Variants in UTS2B observed in about 807,000 individuals in gnomAD.
UTS2B encodes urotensin-2B.
UTS2B carries 21 observed loss-of-function variants against 19.2 expected under a neutral mutation model. The ratio of observed to expected loss-of-function variants is 1.09; its 90% CI spans 0.78 to 1.58. The LOEUF (loss-of-function observed/expected upper bound fraction) is 1.58, where lower values mean the gene tolerates loss of function less well. Ranked by LOEUF, UTS2B falls within the 40% of genes most tolerant of loss-of-function variation. UTS2B has a pLI of 0.00. For synonymous variants in UTS2B, 57 were observed against 50.2 expected (o/e 1.14, Z -0.58); for missense variants, 138 against 130.3 (o/e 1.06, Z -0.29).
At chr3:191,293,870 G>C (rs570352856) in intron 4 of UTS2B, among the ~76,000 whole-genome samples, 1 of 151,972 alleles carries the variant, frequency 6.6e-6, no homozygotes, top group African/African-American at 2.4e-5. Flanking sequence ...AGCCGGGGGT[G>C]GGGGAGTCGG....
intron 3 of UTS2B, among the ~76,000 whole-genome samples, chr3:191,305,519 T>A (rs1425193730): frequency 1.3e-5 from 2 of 152,136 alleles, no homozygotes; most frequent in Non-Finnish European, 2.9e-5. Flanking sequence ...GGGGTTGTTT[T>A]CTTGTAAATT....
At chr3:191,269,284 T>C (rs758497282) in intron 8 of UTS2B, among the ~76,000 whole-genome samples, 32 of 152,336 alleles carry the variant, frequency 2.1e-4, no homozygotes, top group Non-Finnish European at 4.0e-4. Flanking sequence ...TCTATGTGCT[T>C]GCCCAGGTTT....
At chr3:191,291,094 A>G (rs974748286) in intron 4 of UTS2B, among the ~76,000 whole-genome samples, 12 of 152,200 alleles carry the variant, frequency 7.9e-5, no homozygotes, top group Admixed American at 7.2e-4. Context: ...AGAGTTAACA[A>G]TGGCCTGAAT....
intron 4 of UTS2B, among the ~76,000 whole-genome samples, chr3:191,299,354 G>A (rs980004344): frequency 2.0e-4 from 31 of 152,198 alleles, no homozygotes; most frequent in African/African-American, 6.0e-4. Context: ...GGTTTTGTGG[G>A]CCAGGGCAAG....
chr3:191,303,530 TAA>T lies in UTS2B; in HGVS notation c.-125+960_-125+961del, dbSNP rs56081437. Among the ~76,000 whole-genome samples, 459 of 148,324 alleles carry T rather than the reference TAA, an allele frequency of 3.1e-3. 3 individuals are homozygous for T. Among genetic ancestry groups the T allele is most frequent in the African/African-American group, 8.8e-3 (357 of 40,618 alleles). ...AGTAGTGTCTGGAAACACATTTCCTTAAAAAAAAAAAAAAAACTCACTGTTAA... is the reference window on the plus strand; with the variant it reads ...AGTAGTGTCTGGAAACACATTTCCTTAAAAAAAAAAAAAACTCACTGTTAA... On this transcript the variant is annotated intron_variant, in intron 4 of 8. Transcript: ENST00000340524.
At chr3:191,313,725 C>CTTT (rs57398216) in intron 3 of UTS2B, among the ~76,000 whole-genome samples, 46 of 109,128 alleles carry the variant, frequency 4.2e-4, no homozygotes, top group East Asian at 1.5e-3. Context: ...CTCCACTTTC[C>CTTT]TTTTTTTTTT....
chr3:191,316,944 GC>G (rs1717472190), intron 2 of UTS2B, among the ~76,000 whole-genome samples: 1 of 152,252 alleles, frequency 6.6e-6, no homozygotes, highest in Non-Finnish European at 1.5e-5. Context: ...AGCCCAGCTG[GC>G]TTAGCCTAGC....
At chr3:191,288,274 C>T (rs1716611272) in intron 4 of UTS2B, among the ~76,000 whole-genome samples, 1 of 152,104 alleles carries the variant, frequency 6.6e-6, no homozygotes, top group Admixed American at 6.5e-5. Flanking sequence ...GAAATAAAAG[C>T]AATCCTAAAA....
At chr3:191,309,969 T>C (rs537825159) in intron 3 of UTS2B, among the ~76,000 whole-genome samples, 2 of 152,144 alleles carry the variant, frequency 1.3e-5, no homozygotes, top group South Asian at 4.2e-4. Context: ...TCTTTCTTTT[T>C]TTTCTTTCTT....
At chr3:191,285,385 A>G (rs1252616309) in intron 4 of UTS2B, among the ~76,000 whole-genome samples, 1 of 152,218 alleles carries the variant, frequency 6.6e-6, no homozygotes, top group Non-Finnish European at 1.5e-5. Flanking sequence ...CACTAGAGAT[A>G]AATTTTAATC....
Position 191,275,288 on chromosome 3 carries a change from CAGCATA to C in UTS2B, c.292_297del (p.Tyr98_Ala99del). 1 of 1,613,626 alleles carries C rather than the reference CAGCATA, an allele frequency of 6.2e-7. No homozygotes were observed. The highest frequency in any genetic ancestry group is 8.5e-7 in the Non-Finnish European group (1 of 1,179,696). ...GGATGAGAAGAGAATAGACCATCTA[CAGCATA>C]GGACGTCTCAGAATCCTTCTCCTCC... On this transcript the variant is annotated inframe_deletion, in exon 8 of 9. Coordinates refer to ENST00000340524, the MANE Select transcript of UTS2B (RefSeq NM_198152.5).
intron 4 of UTS2B, among the ~76,000 whole-genome samples, chr3:191,290,015 T>C (rs1716669453): frequency 6.6e-6 from 1 of 152,216 alleles, no homozygotes; most frequent in Admixed American, 6.5e-5. Flanking sequence ...CATAACATAA[T>C]GTATACATAT....
At chr3:191,282,057 C>T in intron 5 of UTS2B, 30 bp downstream of exon 5, 1 of 1,464,684 alleles carries the variant, frequency 6.8e-7, no homozygotes, top group Non-Finnish European at 9.5e-7. Context: ...ACTTACCCAC[C>T]TGTAGGATTT....
chr3:191,336,306 A>G, the UTS2B span, among the ~76,000 whole-genome samples: 1 of 152,126 alleles, frequency 6.6e-6, no homozygotes, highest in African/African-American at 2.4e-5. Flanking sequence ...GTTGTTCTGC[A>G]TCCTTGCTGG....
At chr3:191,290,797 C>G (rs747453796) in intron 4 of UTS2B, among the ~76,000 whole-genome samples, 5 of 152,210 alleles carry the variant, frequency 3.3e-5, no homozygotes, top group Non-Finnish European at 7.3e-5. Context: ...TCACTTGCAT[C>G]TGACTATTTC....
intron 7 of UTS2B, among the ~76,000 whole-genome samples, chr3:191,276,196 G>A (rs904527433): frequency 2.6e-5 from 4 of 152,154 alleles, no homozygotes; most frequent in Non-Finnish European, 5.9e-5. Context: ...AACTACAAAA[G>A]TAGGGTTCAG....
intron 6 of UTS2B, chr3:191,277,630 C>G (rs769094203): frequency 6.6e-6 from 1 of 152,012 alleles, no homozygotes; most frequent in African/African-American, 2.4e-5. Flanking sequence ...TGTACTCCAA[C>G]TGTTTCCTAA....
At chr3:191,280,791 G>A (rs547145583) in intron 5 of UTS2B, among the ~76,000 whole-genome samples, 3 of 152,196 alleles carry the variant, frequency 2.0e-5, no homozygotes, top group Non-Finnish European at 2.9e-5. Flanking sequence ...AAAGTCTTCA[G>A]CAAATAATCA....
At chr3:191,276,287 T>G (rs1175886130) in intron 7 of UTS2B, among the ~76,000 whole-genome samples, 2 of 152,204 alleles carry the variant, frequency 1.3e-5, no homozygotes, top group Non-Finnish European at 2.9e-5. Flanking sequence ...AGGGCCAGTT[T>G]GCAGAATAAT....
Sources: allele counts gnomAD v4.1 joint callset (sites outside exome capture counted in the v4.1 genomes callset), GRCh38; gene constraint gnomAD v4.1.1; transcripts MANE v1.5; gene names NCBI Gene and HGNC (gene_info 2026-07-23, HGNC 2026-07-21).